KIFAP3: variants seen among roughly 807,000 people sequenced by gnomAD.
KIFAP3 encodes kinesin associated protein 3, also known as kinesin-associated protein 3.
KIFAP3 carries 68 observed loss-of-function variants against 106.5 expected under a neutral mutation model. That is an observed-to-expected ratio of 0.64 (90% CI 0.53 to 0.78). The LOEUF (loss-of-function observed/expected upper bound fraction) is 0.78, where lower values mean the gene tolerates loss of function less well. Among genes scored for constraint, KIFAP3 ranks in the 30% least tolerant of loss-of-function variants. The pLI is 0.00. For missense variants in KIFAP3, 780 were observed against 941.8 expected (o/e 0.83, Z 2.25); for synonymous variants, 320 against 311.5 (o/e 1.03, Z -0.29).
At chr1:170,016,135 C>T (rs766445267) in intron 10 of KIFAP3, among the ~76,000 whole-genome samples, 8 of 151,922 alleles carry the variant, frequency 5.3e-5, no homozygotes, top group Non-Finnish European at 7.4e-5. Context: ...ACGATACCTG[C>T]GTTGTTTTTT....
chr1:170,028,689 A>G (rs1157390194), intron 8 of KIFAP3, among the ~76,000 whole-genome samples: 1 of 152,196 alleles, frequency 6.6e-6, no homozygotes, highest in Non-Finnish European at 1.5e-5. Context: ...TAGTAATAGC[A>G]TAGAGTTGGG....
chr1:170,058,958 TC>T (rs199813333), intron 1 of KIFAP3, among the ~76,000 whole-genome samples: 9,627 of 152,226 alleles, frequency 0.063, 386 homozygotes, highest in Non-Finnish European at 0.095. Context: ...ATAAAGATGT[TC>T]TTTAAAACCA....
chr1:169,935,860 A>G (rs1663769981), intron 19 of KIFAP3, among the ~76,000 whole-genome samples: 1 of 152,012 alleles, frequency 6.6e-6, no homozygotes, highest in African/African-American at 2.4e-5. Context: ...ATTATATGAC[A>G]GAGTCCCATA....
At position 169,975,924 on chromosome 1, in the gene KIFAP3, A is replaced by G. The variant is rs551787405; in HGVS notation, c.1897+2161T>C. On this transcript the variant is annotated intron_variant, in intron 16 of 19. Coordinates refer to ENST00000361580, the MANE Select transcript of KIFAP3 (RefSeq NM_014970.4). ...CCATTATCAACATGTTATAATCTTT[A>G]GGACAACTATTCAAAAAGTATTGAC... 1.6e-3 allele frequency among the ~76,000 whole-genome samples: 245 copies of G among 152,330 alleles called. 1 individual carries two copies. The highest frequency in any genetic ancestry group is 5.6e-3 in the African/African-American group (232 of 41,586).
At chr1:170,015,611 A>ATGCAT (rs1668466643) in intron 10 of KIFAP3, among the ~76,000 whole-genome samples, 1 of 152,190 alleles carries the variant, frequency 6.6e-6, no homozygotes, top group South Asian at 2.1e-4. Context: ...AAGAAAGGCA[A>ATGCAT]TGCATTGCAG....
Position 170,035,437 on chromosome 1 carries a change from A to T in KIFAP3, c.617+17T>A. 1 of 1,502,944 alleles carries T rather than the reference A, an allele frequency of 6.7e-7. No individual in the cohort carries two copies. Among genetic ancestry groups the T allele is most frequent in the Admixed American group, 1.9e-5 (1 of 52,536 alleles). The allele number at this position is 1,502,944 out of a possible 1,614,324, so 93.1% of individuals were successfully genotyped here. A position where few individuals can be genotyped will look rare whatever the true frequency, so the allele number is the denominator to read the frequency against. ...AGAGATACAGTAGCCTTTTTATTTA[A>T]TAATTTTTATACTTACCTGGAGAAA... On this transcript the variant is annotated intron_variant, in intron 6 of 19. Transcript: ENST00000361580.
chr1:170,019,073 C>G lies in KIFAP3; in HGVS notation c.1021-2449G>C, dbSNP rs549570539. 3.3e-5 allele frequency among the ~76,000 whole-genome samples: 5 copies of G among 151,976 alleles called. No homozygotes were observed. The East Asian group carries it at 9.7e-4, about 29-fold the overall frequency. On this transcript the variant is annotated intron_variant, in intron 9 of 19. Coordinates refer to ENST00000361580, the MANE Select transcript of KIFAP3 (RefSeq NM_014970.4). ...GACAGAGATAAAAAGGAAACAGTAC[C>G]AAAAATTTTATGCTCCTACATCTGC...
intron 11 of KIFAP3, among the ~76,000 whole-genome samples, chr1:169,989,860 G>A (rs1053076672): frequency 1.3e-5 from 2 of 152,052 alleles, no homozygotes; most frequent in South Asian, 2.1e-4. Flanking sequence ...ATGAATGAAA[G>A]AACAGTCAAT....
intron 10 of KIFAP3, among the ~76,000 whole-genome samples, chr1:170,000,248 A>G (rs922686212): frequency 3.9e-5 from 6 of 152,144 alleles, no homozygotes; most frequent in Admixed American, 1.3e-4. Context: ...TATGGGCCAC[A>G]TTATTAGCCA....
chr1:170,045,749 T>C (rs1452531431), intron 3 of KIFAP3, among the ~76,000 whole-genome samples: 1 of 152,192 alleles, frequency 6.6e-6, no homozygotes, highest in East Asian at 1.9e-4. Flanking sequence ...TTTCTTCCAT[T>C]TTTCTGACTT....
chr1:170,074,439 T>C lies in KIFAP3; in HGVS notation c.29A>G (p.Lys10Arg), dbSNP rs779813779. ...CAGAGCCTTGGGGAGTCGTCACCTTTTGAGGTATCTGGCGTCCTCCCCTTG... is the reference window on the plus strand; with the variant it reads ...CAGAGCCTTGGGGAGTCGTCACCTTCTGAGGTATCTGGCGTCCTCCCCTTG... MQGEDARYL[K>R]RKVKGGNIDV... Residue 10 changes from lysine (K) to arginine (R), a missense_variant, in exon 1 of 20, where the codon AAA becomes AGA. Lys to Arg is a conservative substitution (Grantham distance 26, BLOSUM62 2). Coordinates refer to ENST00000361580, the MANE Select transcript of KIFAP3 (RefSeq NM_014970.4). 6.8e-6 allele frequency: 11 copies of C among 1,614,070 alleles called. No homozygotes were observed. In the Admixed American group the frequency reaches 1.3e-4, roughly 20 times the overall value.
intron 8 of KIFAP3, among the ~76,000 whole-genome samples, chr1:170,027,453 G>A (rs923676953): frequency 4.1e-4 from 62 of 152,152 alleles, no homozygotes; most frequent in Non-Finnish European, 6.5e-4. Flanking sequence ...GGAACATTAT[G>A]TCATATAACT....
chr1:170,026,874 G>A (rs1361215909), intron 8 of KIFAP3, among the ~76,000 whole-genome samples: 1 of 152,110 alleles, frequency 6.6e-6, no homozygotes, highest in East Asian at 1.9e-4. Flanking sequence ...CTTCTGTCCA[G>A]ACTAACAAAT....
chr1:169,936,498 C>T (rs372701564), intron 19 of KIFAP3, among the ~76,000 whole-genome samples: 1 of 151,788 alleles, frequency 6.6e-6, no homozygotes, highest in South Asian at 2.1e-4. Context: ...GTCAGACCAT[C>T]AAAGTACGAT....
rs745428622 is a variant in KIFAP3, at chr1:169,983,373, A to C, written c.1403T>G (p.Leu468Arg). ...NVQLICEGNGLKMLMKRALKF... is the reference protein window; with the variant it reads ...NVQLICEGNGRKMLMKRALKF... Reference sequence around the variant, plus strand: ...CAGAGCCCTCTTCATGAGCATCTTCAGCCCATTTCCTGAAACAGAAAAGTC... The same window carrying C: ...CAGAGCCCTCTTCATGAGCATCTTCCGCCCATTTCCTGAAACAGAAAAGTC... Residue 468 changes from leucine (L) to arginine (R), a missense_variant, in exon 13 of 20, where the codon CTG becomes CGG. By Grantham distance (102) the Leu-to-Arg change is moderately radical. This residue lies in a region of KIFAP3 where 588 missense variants were observed against 678.9 expected (regional missense o/e 0.87). Coordinates refer to ENST00000361580, the MANE Select transcript of KIFAP3 (RefSeq NM_014970.4). 6.2e-7 allele frequency: 1 copy of C among 1,603,152 alleles called. No individual in the cohort carries two copies. The highest frequency in any genetic ancestry group is 8.5e-7 in the Non-Finnish European group (1 of 1,174,058).
chr1:170,016,688 A>G, intron 9 of KIFAP3, 64 bp from the exon 10 acceptor site: 1 of 1,017,382 alleles, frequency 9.8e-7, no homozygotes, highest in Non-Finnish European at 1.4e-6. Context: ...AAAGAATATA[A>G]TTATTTTTTC....
rs572018154 is a variant in KIFAP3 at position 169,977,607 on chromosome 1, G to A, written c.1897+478C>T. Among the ~76,000 whole-genome samples the A allele has an allele frequency of 2.6e-5, 4 of 152,158 alleles. No individual in the cohort carries two copies. The South Asian group carries it at 8.3e-4, about 32-fold the overall frequency. ...TACAATGCTCTTTAGGCTACAACATGCTATGCCCCTTTAGGTAGGTGGAAG... is the reference window on the plus strand; with the variant it reads ...TACAATGCTCTTTAGGCTACAACATACTATGCCCCTTTAGGTAGGTGGAAG... On this transcript the variant is annotated intron_variant, in intron 16 of 19. Coordinates refer to ENST00000361580, the MANE Select transcript of KIFAP3 (RefSeq NM_014970.4).
At position 169,982,019 on chromosome 1, in the gene KIFAP3, A is replaced by C; in HGVS notation, c.1751T>G (p.Leu584Trp). The C allele has an allele frequency of 1.2e-6, 2 of 1,613,568 alleles. No individual in the cohort carries two copies. Among genetic ancestry groups the C allele is most frequent in the Non-Finnish European group, 1.7e-6 (2 of 1,179,550 alleles). The change falls in exon 15 of 20, where the codon TTG becomes TGG. Residue 584 changes from leucine to tryptophan, a missense_variant. Leu to Trp is a moderately conservative substitution (Grantham distance 61). Coordinates refer to ENST00000361580, the MANE Select transcript of KIFAP3 (RefSeq NM_014970.4). ...TVSMDDSCAA[L>W]LAKSGIIPAL... is the part of the protein sequence containing the mutation. ...AGGGATTATGCCAGATTTGGCTAGC[A>C]ATGCAGCACAAGAGTCATCCATGGA...
intron 11 of KIFAP3, among the ~76,000 whole-genome samples, chr1:169,986,728 A>AT (rs377415962): frequency 5.9e-5 from 9 of 152,082 alleles, no homozygotes; most frequent in East Asian, 1.9e-4. Flanking sequence ...CCTACCATAG[A>AT]TTTTTTTCAA....
Sources: gnomAD v4.1 joint callset for allele counts (sites outside exome capture counted in the v4.1 genomes callset) on GRCh38, gnomAD v4.1.1 for gene constraint, gnomAD v4.1.1 regional missense constraint, MANE v1.5 for transcripts, NCBI Gene and HGNC (gene_info 2026-07-23, HGNC 2026-07-21) for gene names.